The following GALNTL6 variants were observed in gnomAD, a reference collection of about 807,000 sequenced individuals.
GALNTL6 encodes the protein polypeptide N-acetylgalactosaminyltransferase like 6.
In GALNTL6, 46 loss-of-function variants were observed where a neutral mutation model predicts 73.7. The observed-to-expected ratio is 0.62, with a 90% CI of 0.49 to 0.80. The LOEUF (loss-of-function observed/expected upper bound fraction) is 0.80. Among genes scored for constraint, GALNTL6 ranks in the 30% least tolerant of loss-of-function variants. GALNTL6 has a pLI of 0.00. For missense variants in GALNTL6, 604 were observed against 755.0 expected (o/e 0.80, Z 2.34); for synonymous variants, 259 against 263.7 (o/e 0.98, Z 0.17).
intron 5 of GALNTL6, among the ~76,000 whole-genome samples, chr4:172,399,653 T>A (rs1460155307): frequency 1.3e-5 from 2 of 152,146 alleles, no homozygotes; most frequent in African/African-American, 4.8e-5. Context: ...CTACTTCACA[T>A]GGCAGGAGTC....
intron 4 of GALNTL6, among the ~76,000 whole-genome samples, chr4:172,344,144 T>C (rs559497289): frequency 6.6e-6 from 1 of 152,338 alleles, no homozygotes; most frequent in Admixed American, 6.5e-5. Flanking sequence ...CAAATTGTGT[T>C]TGACTTTATT....
chr4:172,253,124 T>C (rs1737940625), intron 3 of GALNTL6, among the ~76,000 whole-genome samples: 1 of 151,982 alleles, frequency 6.6e-6, no homozygotes, highest in African/African-American at 2.4e-5. Flanking sequence ...CATTATTTTA[T>C]TTTTTATTAC....
chr4:172,785,524 C>G (rs1739604073), intron 5 of GALNTL6, among the ~76,000 whole-genome samples: 1 of 151,950 alleles, frequency 6.6e-6, no homozygotes, highest in Non-Finnish European at 1.5e-5. Flanking sequence ...AGGCACTATT[C>G]CAGGTACTCG....
At chr4:172,454,954 C>A (rs1732336927) in intron 5 of GALNTL6, among the ~76,000 whole-genome samples, 2 of 152,164 alleles carry the variant, frequency 1.3e-5, no homozygotes, top group Admixed American at 1.3e-4. Flanking sequence ...CTCCAGTCTG[C>A]AGCTCCCAGC....
intron 5 of GALNTL6, among the ~76,000 whole-genome samples, chr4:172,371,216 A>C (rs1248209896): frequency 1.3e-5 from 2 of 152,222 alleles, no homozygotes; most frequent in Admixed American, 1.3e-4. Context: ...CTAATCGCCC[A>C]AAAGGAACCA....
chr4:171,952,565 T>C (rs1430264442), intron 2 of GALNTL6, among the ~76,000 whole-genome samples: 1 of 152,084 alleles, frequency 6.6e-6, no homozygotes, highest in Non-Finnish European at 1.5e-5. Context: ...GTTTAACATT[T>C]GAAATCATTT....
At chr4:172,195,963 A>T (rs1180587454) in intron 2 of GALNTL6, among the ~76,000 whole-genome samples, 1 of 151,662 alleles carries the variant, frequency 6.6e-6, no homozygotes, top group East Asian at 1.9e-4. Context: ...GGAAACAGAG[A>T]CACAAAAAAC....
chr4:172,651,979 G>A (rs2111153468), intron 5 of GALNTL6, among the ~76,000 whole-genome samples: 1 of 152,220 alleles, frequency 6.6e-6, no homozygotes, highest in Admixed American at 6.5e-5. Flanking sequence ...AGAAATAAAT[G>A]GCAAATCCTA....
chr4:172,286,109 C>T (rs1739236622), intron 3 of GALNTL6, among the ~76,000 whole-genome samples: 1 of 152,148 alleles, frequency 6.6e-6, no homozygotes, highest in Non-Finnish European at 1.5e-5. Context: ...TTTGTATCCT[C>T]AATTAGTGCC....
rs1442898361 is a variant in GALNTL6, at chr4:172,885,160, AT to A, written c.1041+2254del. Reference sequence around the variant, plus strand: ...GATATTTTTTCCGTTTCTGTGAAGAATGTCATTGGTAATTTGACATGGATTA... The same window carrying A: ...GATATTTTTTCCGTTTCTGTGAAGAAGTCATTGGTAATTTGACATGGATTA... On this transcript the variant is annotated intron_variant, in intron 8 of 12. Transcript: ENST00000506823. Among the ~76,000 whole-genome samples, 9 of 152,144 alleles carry A rather than the reference AT, an allele frequency of 5.9e-5. No individual in the cohort carries two copies. In the East Asian group the frequency reaches 1.7e-3, roughly 29 times the overall value.
intron 3 of GALNTL6, among the ~76,000 whole-genome samples, chr4:172,248,185 T>G (rs1737724769): frequency 6.6e-6 from 1 of 152,206 alleles, no homozygotes; most frequent in Admixed American, 6.6e-5. Flanking sequence ...ATTACCTCAG[T>G]TAGCTAATGA....
intron 3 of GALNTL6, among the ~76,000 whole-genome samples, chr4:172,270,640 A>G (rs943259662): frequency 2.6e-5 from 4 of 152,036 alleles, no homozygotes; most frequent in Admixed American, 2.6e-4. Flanking sequence ...AGAAGGTTCA[A>G]TTACTCATAT....
chr4:172,331,437 AC>A (rs1338437760), intron 4 of GALNTL6, among the ~76,000 whole-genome samples: 2 of 152,126 alleles, frequency 1.3e-5, no homozygotes, highest in African/African-American at 2.4e-5. Flanking sequence ...AGTATACAAT[AC>A]ATTATTGTTG....
At chr4:172,471,155 C>A (rs1315467657) in intron 5 of GALNTL6, among the ~76,000 whole-genome samples, 1 of 152,104 alleles carries the variant, frequency 6.6e-6, no homozygotes, top group Non-Finnish European at 1.5e-5. Context: ...ATCTAGCAAC[C>A]AAAGAGTGAA....
chr4:171,822,626 GAT>G (rs1051370234), intron 2 of GALNTL6, among the ~76,000 whole-genome samples: 3 of 152,068 alleles, frequency 2.0e-5, no homozygotes, highest in Admixed American at 2.0e-4. Flanking sequence ...ACCTAAAAAA[GAT>G]ATAATAAAAT....
intron 10 of GALNTL6, among the ~76,000 whole-genome samples, chr4:172,986,083 A>G (rs1751278483): frequency 6.6e-6 from 1 of 152,222 alleles, no homozygotes; most frequent in Non-Finnish European, 1.5e-5. Context: ...AGCAATGGAC[A>G]AAGGCAGCTT....
At chr4:172,039,553 A>T (rs1742028032) in intron 2 of GALNTL6, among the ~76,000 whole-genome samples, 1 of 152,108 alleles carries the variant, frequency 6.6e-6, no homozygotes, top group Non-Finnish European at 1.5e-5. Flanking sequence ...GTCAGGAATG[A>T]GTTATGGAGA....
chr4:172,216,822 TTA>T (rs2110938886), intron 2 of GALNTL6, among the ~76,000 whole-genome samples: 1 of 152,188 alleles, frequency 6.6e-6, no homozygotes, highest in Non-Finnish European at 1.5e-5. Flanking sequence ...CAGCTTGGTT[TTA>T]TACAGTTTAA....
intron 5 of GALNTL6, among the ~76,000 whole-genome samples, chr4:172,417,984 C>T (rs538702074): frequency 6.6e-6 from 1 of 152,244 alleles, no homozygotes; most frequent in African/African-American, 2.4e-5. Context: ...ACCTCTATGA[C>T]TTTCAGATGT....
Sources: allele counts gnomAD v4.1 joint callset (sites outside exome capture counted in the v4.1 genomes callset), GRCh38; gene constraint gnomAD v4.1.1; transcripts MANE v1.5; gene names NCBI Gene and HGNC (gene_info 2026-07-23, HGNC 2026-07-21).